TPRG1: variants seen among roughly 807,000 people sequenced by gnomAD.
TPRG1 encodes tumor protein p63-regulated gene 1 protein.
In TPRG1, 29 loss-of-function variants were observed where a neutral mutation model predicts 29.3. The ratio of observed to expected loss-of-function variants is 0.99; its 90% CI spans 0.74 to 1.35. The LOEUF is 1.35. Among genes scored for constraint, TPRG1 ranks in the 40% most tolerant of loss-of-function variants. TPRG1 has a pLI of 0.00. For synonymous variants in TPRG1, 130 were observed against 116.8 expected (o/e 1.11, Z -0.73); for missense variants, 327 against 335.0 (o/e 0.98, Z 0.19).
At chr3:189,027,139 C>A (rs1023919927) in intron 4 of TPRG1, among the ~76,000 whole-genome samples, 3 of 152,090 alleles carry the variant, frequency 2.0e-5, no homozygotes, top group Non-Finnish European at 4.4e-5. Context: ...GAGAAAAATT[C>A]CAAATCAACA....
intron 3 of TPRG1, among the ~76,000 whole-genome samples, chr3:189,147,186 A>T (rs1359815791): frequency 6.6e-6 from 1 of 152,216 alleles, no homozygotes; most frequent in Non-Finnish European, 1.5e-5. Flanking sequence ...TTATCCAGTG[A>T]TCCCATCTCC....
chr3:189,286,637 G>A (rs1402786171), intron 4 of TPRG1, among the ~76,000 whole-genome samples: 1 of 152,112 alleles, frequency 6.6e-6, no homozygotes, highest in Non-Finnish European at 1.5e-5. Context: ...ACTGGGAGAA[G>A]GATGGGAAAA....
chr3:189,048,039 A>G (rs1715084667), intron 4 of TPRG1, among the ~76,000 whole-genome samples: 3 of 152,230 alleles, frequency 2.0e-5, no homozygotes, highest in African/African-American at 7.2e-5. Flanking sequence ...TAGAATAATG[A>G]ATTCCTTCCA....
At chr3:189,049,680 C>T (rs1715192307) in intron 4 of TPRG1, among the ~76,000 whole-genome samples, 1 of 152,260 alleles carries the variant, frequency 6.6e-6, no homozygotes, top group Non-Finnish European at 1.5e-5. Flanking sequence ...CCTCCTGGCC[C>T]AAGGCTAACC....
chr3:189,198,385 C>T (rs796532510), intron 1 of TPRG1, among the ~76,000 whole-genome samples: 64 of 152,286 alleles, frequency 4.2e-4, no homozygotes, highest in African/African-American at 1.4e-3. Context: ...CCATTATCTG[C>T]TCATGTTTCT....
At chr3:189,108,391 C>G (rs1720073299) in intron 1 of TPRG1, among the ~76,000 whole-genome samples, 1 of 151,968 alleles carries the variant, frequency 6.6e-6, no homozygotes, top group Admixed American at 6.6e-5. Flanking sequence ...TTCCAGATGT[C>G]CCACTAAAAA....
At chr3:189,201,379 G>A (rs1447813552) in intron 1 of TPRG1, among the ~76,000 whole-genome samples, 2 of 152,170 alleles carry the variant, frequency 1.3e-5, no homozygotes, top group African/African-American at 2.4e-5. Flanking sequence ...GACTTCTGGA[G>A]GTATCAGGAG....
rs530020643 is a variant in TPRG1 at position 189,301,026 on chromosome 3, G to A, written c.480-9360G>A. Among the ~76,000 whole-genome samples the A allele has an allele frequency of 2.5e-4, 38 of 152,176 alleles. No individual in the cohort carries two copies. In the South Asian group the frequency reaches 7.1e-3, roughly 28 times the overall value. On this transcript the variant is annotated intron_variant, in intron 4 of 5. Transcript: ENST00000345063. Reference sequence around the variant, plus strand: ...GATAAAATGTTTGTGTGCTGGGCACGGTGGCTCATGCCTGTAATCCCAGCA... The same window carrying A: ...GATAAAATGTTTGTGTGCTGGGCACAGTGGCTCATGCCTGTAATCCCAGCA...
At chr3:189,063,860 G>A (rs566378727) in intron 4 of TPRG1, among the ~76,000 whole-genome samples, 118 of 152,194 alleles carry the variant, frequency 7.8e-4, no homozygotes, top group African/African-American at 2.7e-3. Flanking sequence ...TTTATTAGAA[G>A]AGCTTTTAGG....
chr3:189,215,424 C>G (rs3821734), intron 3 of TPRG1, 41 bp downstream of exon 3: 1 of 1,523,180 alleles, frequency 6.6e-7, no homozygotes, highest in African/African-American at 1.4e-5. Context: ...GGAAATACAG[C>G]GTTTTCCTTG....
intron 4 of TPRG1, among the ~76,000 whole-genome samples, chr3:189,250,501 T>TCCC (rs1347491782): frequency 1.5e-3 from 46 of 31,006 alleles, no homozygotes; most frequent in Non-Finnish European, 2.4e-3. Context: ...AGTTCTGATT[T>TCCC]CCGCCCCCCC....
intron 4 of TPRG1, among the ~76,000 whole-genome samples, chr3:189,148,353 A>G (rs535473013): frequency 2.6e-5 from 4 of 152,332 alleles, no homozygotes; most frequent in Middle Eastern, 3.4e-3. Context: ...AATGGAAGAA[A>G]CGGACATGCC....
At chr3:189,238,464 A>G (rs1489071841) in intron 3 of TPRG1, among the ~76,000 whole-genome samples, 1 of 152,198 alleles carries the variant, frequency 6.6e-6, no homozygotes, top group African/African-American at 2.4e-5. Context: ...CACACTGGGT[A>G]TTCCCCTAAT....
intron 5 of TPRG1, among the ~76,000 whole-genome samples, chr3:189,311,342 T>G (rs1722453118): frequency 6.6e-6 from 1 of 152,234 alleles, no homozygotes; most frequent in African/African-American, 2.4e-5. Flanking sequence ...TGTCATTCAT[T>G]TCAGAATATT....
chr3:189,191,094 A>T, intron 1 of TPRG1: 2 of 391,842 alleles, frequency 5.1e-6, no homozygotes, highest in Non-Finnish European at 7.0e-6. Flanking sequence ...ATGTATTCTT[A>T]CTTTCAAATA....
intron 4 of TPRG1, among the ~76,000 whole-genome samples, chr3:189,263,168 CT>C (rs1713438644): frequency 6.6e-6 from 1 of 152,258 alleles, no homozygotes; most frequent in Admixed American, 6.5e-5. Context: ...TAGAGGCTGC[CT>C]TAGGGCAAGC....
intron 3 of TPRG1, among the ~76,000 whole-genome samples, chr3:189,231,294 A>G (rs1355697692): frequency 6.7e-6 from 1 of 149,330 alleles, no homozygotes; most frequent in Non-Finnish European, 1.5e-5. Context: ...ATGCACACAC[A>G]CATACATATG....
chr3:189,208,160 G>GCC (rs1465337115), intron 2 of TPRG1, among the ~76,000 whole-genome samples: 4 of 152,204 alleles, frequency 2.6e-5, no homozygotes, highest in African/African-American at 9.6e-5. Context: ...GCAGGAGGGA[G>GCC]CTTGTATATC....
intron 1 of TPRG1, among the ~76,000 whole-genome samples, chr3:189,188,535 C>T (rs1486776539): frequency 6.6e-6 from 1 of 152,140 alleles, no homozygotes; most frequent in Non-Finnish European, 1.5e-5. Flanking sequence ...CCTTTTCCTC[C>T]TCCACATCAC....
Sources: gnomAD v4.1 joint callset for allele counts (sites outside exome capture counted in the v4.1 genomes callset) on GRCh38, gnomAD v4.1.1 for gene constraint, MANE v1.5 for transcripts, NCBI Gene and HGNC (gene_info 2026-07-23, HGNC 2026-07-21) for gene names.